The following CSMD1 variants were observed in gnomAD, a reference collection of about 807,000 sequenced individuals.
The protein encoded by CSMD1 is CUB and Sushi multiple domains 1.
Under a neutral mutation model 417.5 loss-of-function variants are expected in CSMD1, and 213 were observed. That is an observed-to-expected ratio of 0.51 (90% CI 0.46 to 0.57). CSMD1 has a LOEUF of 0.57. Among genes scored for constraint, CSMD1 ranks in the 20% least tolerant of loss-of-function variants. The pLI is 0.00. For synonymous variants in CSMD1, 2,862 were observed against 1,736.8 expected, an observed-to-expected ratio of 1.65 and a Z score of -16.11; for missense variants, 6,923 against 4,529.7, an observed-to-expected ratio of 1.53 and a Z score of -15.17.
intron 6 of CSMD1, among the ~76,000 whole-genome samples, chr8:3,716,454 T>A (rs142232677): frequency 6.6e-6 from 1 of 152,216 alleles, no homozygotes; most frequent in African/African-American, 2.4e-5. Flanking sequence ...CTCCCTTTTT[T>A]AGACCATATA....
chr8:4,447,671 T>C (rs902588304), intron 2 of CSMD1, among the ~76,000 whole-genome samples: 5 of 152,160 alleles, frequency 3.3e-5, no homozygotes, highest in Non-Finnish European at 7.3e-5. Flanking sequence ...GTTTCCACAC[T>C]CTCCTGTGAC....
At chr8:3,611,549 T>G (rs192992848) in intron 8 of CSMD1, among the ~76,000 whole-genome samples, 21 of 152,250 alleles carry the variant, frequency 1.4e-4, no homozygotes, top group Admixed American at 3.9e-4. Flanking sequence ...TTTGAGCCCA[T>G]GACAAAGTTA....
intron 2 of CSMD1, among the ~76,000 whole-genome samples, chr8:4,488,330 T>G (rs1213161468): frequency 6.6e-6 from 1 of 152,106 alleles, no homozygotes; most frequent in Non-Finnish European, 1.5e-5. Context: ...GTAAAGTGCT[T>G]ATGATATCCA....
At chr8:4,282,565 A>T (rs1329575406) in intron 3 of CSMD1, among the ~76,000 whole-genome samples, 1 of 152,218 alleles carries the variant, frequency 6.6e-6, no homozygotes, top group African/African-American at 2.4e-5. Flanking sequence ...CAGCACCATA[A>T]AATTATCTTA....
chr8:4,443,206 G>A (rs1798583808), intron 2 of CSMD1, among the ~76,000 whole-genome samples: 1 of 152,154 alleles, frequency 6.6e-6, no homozygotes, highest in African/African-American at 2.4e-5. Flanking sequence ...TACAAGAGGT[G>A]TTCAATTTTT....
chr8:3,243,065 A>G (rs1477590472), intron 26 of CSMD1, among the ~76,000 whole-genome samples: 1 of 152,140 alleles, frequency 6.6e-6, no homozygotes, highest in African/African-American at 2.4e-5. Context: ...AATGAAAGGA[A>G]TTGAAATTAA....
chr8:4,064,170 G>C (rs2740874), intron 3 of CSMD1, among the ~76,000 whole-genome samples: 2,648 of 152,282 alleles, frequency 0.017, 87 homozygotes, highest in African/African-American at 0.06. Flanking sequence ...ACTATGAAAA[G>C]TGCAAACTAA....
intron 1 of CSMD1, chr8:4,787,185 G>A (rs1055880301): frequency 3.8e-5 from 16 of 422,912 alleles, no homozygotes; most frequent in African/African-American, 3.0e-4. Flanking sequence ...CTCGGAAAGA[G>A]TGGCGCAGGG....
chr8:4,525,127 A>T (rs1237712954), intron 2 of CSMD1, among the ~76,000 whole-genome samples: 1 of 152,196 alleles, frequency 6.6e-6, no homozygotes, highest in African/African-American at 2.4e-5. Context: ...CTAAATTTTC[A>T]ATCTACTCCA....
intron 7 of CSMD1, among the ~76,000 whole-genome samples, chr8:3,632,495 C>A (rs867431874): frequency 6.6e-6 from 1 of 151,958 alleles, no homozygotes; most frequent in Middle Eastern, 3.2e-3. Context: ...CATGATAAAA[C>A]CTTAGATTGT....
chr8:4,681,171 A>G (rs1015015107), intron 1 of CSMD1, among the ~76,000 whole-genome samples: 3 of 152,196 alleles, frequency 2.0e-5, no homozygotes, highest in Middle Eastern at 3.2e-3. Flanking sequence ...ACTTCTTGAG[A>G]AGGTAATCTA....
chr8:3,952,101 C>T (rs917627816), intron 5 of CSMD1, among the ~76,000 whole-genome samples: 11 of 151,972 alleles, frequency 7.2e-5, no homozygotes, highest in African/African-American at 2.4e-4. Flanking sequence ...TTTAAATTTC[C>T]GACAGAAAGA....
intron 3 of CSMD1, among the ~76,000 whole-genome samples, chr8:4,321,574 TGTGA>T (rs754748611): frequency 1.1e-3 from 161 of 152,212 alleles, no homozygotes; most frequent in Non-Finnish European, 1.9e-3. Context: ...CAATAAATGG[TGTGA>T]GTATCTGGTA....
intron 3 of CSMD1, among the ~76,000 whole-genome samples, chr8:4,329,648 G>C (rs2062879): frequency 6.6e-6 from 1 of 151,754 alleles, no homozygotes; most frequent in East Asian, 1.9e-4. Flanking sequence ...CAGTGATATC[G>C]TTTGGATCTG....
chr8:4,751,343 A>G (rs937661351), intron 1 of CSMD1, among the ~76,000 whole-genome samples: 1 of 151,914 alleles, frequency 6.6e-6, no homozygotes, highest in Non-Finnish European at 1.5e-5. Context: ...GTGAGCCGAG[A>G]TAGCGCCACT....
chr8:4,536,445 G>A (rs1459460834), intron 2 of CSMD1, among the ~76,000 whole-genome samples: 3 of 151,884 alleles, frequency 2.0e-5, no homozygotes, highest in Non-Finnish European at 4.4e-5. Flanking sequence ...ATTTGTATAC[G>A]TGAAGTTTCA....
intron 3 of CSMD1, among the ~76,000 whole-genome samples, chr8:4,264,311 A>C (rs1441279146): frequency 6.6e-6 from 1 of 152,204 alleles, no homozygotes; most frequent in Admixed American, 6.5e-5. Context: ...TTCAAAAAGC[A>C]TGACATTCAA....
chr8:3,900,436 T>A (rs564582233), intron 5 of CSMD1, among the ~76,000 whole-genome samples: 1 of 151,536 alleles, frequency 6.6e-6, no homozygotes, highest in East Asian at 1.9e-4. Flanking sequence ...TGTAGCTGGG[T>A]GACAGCACAG....
chr8:4,375,294 GTCATA>G (rs1802660778), intron 3 of CSMD1, among the ~76,000 whole-genome samples: 1 of 152,118 alleles, frequency 6.6e-6, no homozygotes, highest in African/African-American at 2.4e-5. Flanking sequence ...ACAAAAAAGT[GTCATA>G]TCTCCAAAAG....
Sources: gnomAD v4.1 joint callset for allele counts (sites outside exome capture counted in the v4.1 genomes callset) on GRCh38, gnomAD v4.1.1 for gene constraint, MANE v1.5 for transcripts, NCBI Gene and HGNC (gene_info 2026-07-23, HGNC 2026-07-21) for gene names.